Variants in NFIB observed in about 807,000 individuals in gnomAD.
NFIB encodes the protein nuclear factor I B, also known as nuclear factor 1 B-type.
In NFIB, 11 loss-of-function variants were observed where a neutral mutation model predicts 61.5. The ratio of observed to expected loss-of-function variants is 0.18; its 90% CI spans 0.11 to 0.30. NFIB has a LOEUF of 0.30. NFIB is among the 10% of genes least tolerant of loss of function. The probability of loss-of-function intolerance (pLI) is 1.00; values close to 1 mark genes in which losing one functional copy is unlikely to be tolerated. For missense variants in NFIB, 471 were observed against 608.9 expected, an observed-to-expected ratio of 0.77 and a Z score of 2.38; for synonymous variants, 260 against 216.5, an observed-to-expected ratio of 1.20 and a Z score of -1.76.
At chr9:14,169,666 C>G (rs2045344336) in intron 3 of NFIB, among the ~76,000 whole-genome samples, 1 of 152,114 alleles carries the variant, frequency 6.6e-6, no homozygotes, top group Non-Finnish European at 1.5e-5. Flanking sequence ...CCTAAAAATA[C>G]AAAAATTAGC....
chr9:14,417,567 A>C, the NFIB span, among the ~76,000 whole-genome samples: 1 of 152,194 alleles, frequency 6.6e-6, no homozygotes. Context: ...TATGCTCAGC[A>C]CATGGTAACA....
intron 3 of NFIB, among the ~76,000 whole-genome samples, chr9:14,161,248 C>T (rs983237724): frequency 1.8e-4 from 28 of 152,218 alleles, no homozygotes; most frequent in African/African-American, 6.3e-4. Context: ...AAAGCTGAAA[C>T]TGTGATTATA....
At chr9:14,491,202 T>G in the NFIB span, among the ~76,000 whole-genome samples, 1 of 152,124 alleles carries the variant, frequency 6.6e-6, no homozygotes, top group African/African-American at 2.4e-5. Flanking sequence ...AATGATTGAG[T>G]GCATGTAAAG....
intron 6 of NFIB, among the ~76,000 whole-genome samples, chr9:14,141,920 A>AC (rs926660759): frequency 1.0e-5 from 1 of 99,666 alleles, no homozygotes; most frequent in African/African-American, 4.1e-5. Flanking sequence ...AAAAAAAAAA[A>AC]AAAAAACAAC....
At chr9:14,208,478 T>A (rs1406011714) in intron 2 of NFIB, among the ~76,000 whole-genome samples, 2 of 152,054 alleles carry the variant, frequency 1.3e-5, no homozygotes, top group Non-Finnish European at 2.9e-5. Flanking sequence ...ACTAAATTCA[T>A]AAAAACAGAC....
At chr9:14,328,369 C>T (rs1473917120) in intron 1 of NFIB, among the ~76,000 whole-genome samples, 3 of 152,170 alleles carry the variant, frequency 2.0e-5, no homozygotes, top group Non-Finnish European at 2.9e-5. Flanking sequence ...TGGTCTCAAA[C>T]TCCTGGGCTC....
intron 2 of NFIB, among the ~76,000 whole-genome samples, chr9:14,216,558 G>C (rs975248278): frequency 2.0e-5 from 1 of 50,558 alleles, no homozygotes; most frequent in African/African-American, 4.5e-5. Context: ...GTGTGTGTGT[G>C]TGTGTGTGTG....
chr9:14,292,721 G>T (rs10121140), intron 2 of NFIB, among the ~76,000 whole-genome samples: 1 of 152,046 alleles, frequency 6.6e-6, no homozygotes, highest in Admixed American at 6.5e-5. Context: ...ACTATATGGC[G>T]TAGAGTGAAT....
intron 2 of NFIB, among the ~76,000 whole-genome samples, chr9:14,210,630 G>A (rs1436793436): frequency 6.6e-6 from 1 of 151,758 alleles, no homozygotes. Flanking sequence ...TACTTCTGAT[G>A]GTTAAAACCA....
At chr9:14,428,952 G>A in the NFIB span, among the ~76,000 whole-genome samples, 1 of 152,182 alleles carries the variant, frequency 6.6e-6, no homozygotes, top group Non-Finnish European at 1.5e-5. Flanking sequence ...ACAAAAAGCA[G>A]CGCCATCTAG....
chr9:14,107,692 T>C (rs1011067936), intron 10 of NFIB, among the ~76,000 whole-genome samples: 3 of 152,110 alleles, frequency 2.0e-5, no homozygotes, highest in Admixed American at 6.6e-5. Context: ...TTCTGACTCC[T>C]AATCCCTGGT....
chr9:14,350,943 G>C (rs1315915769), intron 1 of NFIB, among the ~76,000 whole-genome samples: 1 of 152,112 alleles, frequency 6.6e-6, no homozygotes, highest in Non-Finnish European at 1.5e-5. Context: ...AGAAAGTCGC[G>C]ACCTTTCTAC....
At chr9:14,353,900 G>A (rs1160342995) in intron 1 of NFIB, among the ~76,000 whole-genome samples, 1 of 142,930 alleles carries the variant, frequency 7.0e-6, no homozygotes, top group Non-Finnish European at 1.5e-5. Context: ...ACAGGACAAT[G>A]CCTGTTTAGA....
chr9:14,504,187 T>G, the NFIB span, among the ~76,000 whole-genome samples: 1 of 152,346 alleles, frequency 6.6e-6, no homozygotes, highest in South Asian at 2.1e-4. Flanking sequence ...TTGGTCTATG[T>G]GCCTATTTTT....
chr9:14,350,302 GTGACGCAAAAT>G (rs1211322023), intron 1 of NFIB, among the ~76,000 whole-genome samples: 1 of 152,232 alleles, frequency 6.6e-6, no homozygotes, highest in Non-Finnish European at 1.5e-5. Flanking sequence ...GCCTGCGAAA[GTGACGCAAAAT>G]TAAAAACGAA....
At chr9:14,500,453 T>A in the NFIB span, among the ~76,000 whole-genome samples, 1 of 152,088 alleles carries the variant, frequency 6.6e-6, no homozygotes, top group Admixed American at 6.6e-5. Context: ...CTTCACAGAG[T>A]AATGAGACTT....
At chr9:14,221,345 A>C (rs1443960511) in intron 2 of NFIB, among the ~76,000 whole-genome samples, 1 of 152,242 alleles carries the variant, frequency 6.6e-6, no homozygotes, top group Non-Finnish European at 1.5e-5. Context: ...CAGAAATCAT[A>C]AGAACTCTAT....
intron 1 of NFIB, among the ~76,000 whole-genome samples, chr9:14,370,673 T>C (rs2061348201): frequency 6.6e-6 from 1 of 152,256 alleles, no homozygotes; most frequent in African/African-American, 2.4e-5. Flanking sequence ...TCCATAAAAA[T>C]CAGATCCCTC....
At chr9:14,179,365 T>C (rs924938524) in intron 3 of NFIB, among the ~76,000 whole-genome samples, 3 of 152,100 alleles carry the variant, frequency 2.0e-5, no homozygotes, top group Admixed American at 6.6e-5. Flanking sequence ...TAAACTATAA[T>C]TGCAGTATGG....
Sources: gnomAD v4.1 joint callset for allele counts (sites outside exome capture counted in the v4.1 genomes callset) on GRCh38, gnomAD v4.1.1 for gene constraint, MANE v1.5 for transcripts, NCBI Gene and HGNC (gene_info 2026-07-23, HGNC 2026-07-21) for gene names.